The following BLTP1 variants were observed in gnomAD, a reference collection of about 807,000 sequenced individuals.
BLTP1 encodes fragile site-associated protein.
chr4:122,276,957 A>C, the BLTP1 span: 38 of 984,478 alleles, frequency 3.9e-5, no homozygotes, highest in Non-Finnish European at 4.5e-5. Context: ...ATAATTGGCA[A>C]ATTTTCTGCA....
At chr4:122,334,306 A>C in the BLTP1 span, 1 of 1,440,570 alleles carries the variant, frequency 6.9e-7, no homozygotes, top group South Asian at 1.2e-5. Flanking sequence ...CCTCATCTTC[A>C]TAATTTTAAT....
the BLTP1 span, chr4:122,299,887 T>C: frequency 3.0e-6 from 3 of 985,008 alleles, no homozygotes; most frequent in Non-Finnish European, 3.6e-6. Context: ...CTGTATGCTG[T>C]ATATTTTAGA....
chr4:122,237,548 G>A, the BLTP1 span: 2 of 428,026 alleles, frequency 4.7e-6, no homozygotes, highest in Non-Finnish European at 6.2e-6. Context: ...AGATATATGG[G>A]GTTCTTTGTA....
At chr4:122,348,986 T>C in the BLTP1 span, 1 of 597,158 alleles carries the variant, frequency 1.7e-6, no homozygotes, top group Non-Finnish European at 2.7e-6. Flanking sequence ...AAAGCTTCAT[T>C]ATCAATGTTA....
chr4:122,169,833 A>C, the BLTP1 span: 5 of 985,258 alleles, frequency 5.1e-6, no homozygotes, highest in Non-Finnish European at 6.0e-6. Flanking sequence ...ACCTAGAGTG[A>C]ATCTGAACTA....
chr4:122,184,800 ACT>A, the BLTP1 span: 22 of 985,214 alleles, frequency 2.2e-5, no homozygotes, highest in Middle Eastern at 5.2e-4. Flanking sequence ...CCCATTTCAT[ACT>A]CTCTCAGAAT....
chr4:122,286,226 G>A, the BLTP1 span: 1 of 167,054 alleles, frequency 6.0e-6, no homozygotes, highest in Admixed American at 6.5e-5. Context: ...CAATGCTTCT[G>A]TAATAAGGGC....
the BLTP1 span, among the ~76,000 whole-genome samples, chr4:122,156,620 A>G: frequency 4.6e-5 from 7 of 152,238 alleles, no homozygotes; most frequent in Non-Finnish European, 8.8e-5. Flanking sequence ...GTCATTTACT[A>G]TTTCAGAAAG....
At chr4:122,226,984 C>A in the BLTP1 span, 5 of 630,466 alleles carry the variant, frequency 7.9e-6, no homozygotes, top group South Asian at 4.9e-5. Flanking sequence ...AAATTCTTAC[C>A]CATTTTAGTT....
the BLTP1 span, among the ~76,000 whole-genome samples, chr4:122,355,582 TATATGTATATATAC>T: frequency 1.4e-5 from 2 of 147,522 alleles, no homozygotes; most frequent in African/African-American, 2.5e-5. Context: ...TATATATAAA[TATATGTATATATAC>T]ATATGTATAT....
the BLTP1 span, chr4:122,269,779 A>G: frequency 1.6e-6 from 1 of 611,902 alleles, no homozygotes; most frequent in African/African-American, 2.0e-5. Flanking sequence ...GCATGTAGTA[A>G]GTCCTCATAC....
the BLTP1 span, chr4:122,221,674 T>TA: frequency 0.049 from 16,533 of 337,614 alleles, no homozygotes; most frequent in Non-Finnish European, 0.062. Flanking sequence ...ATATTAACCT[T>TA]AAAAAAAAAA....
the BLTP1 span, among the ~76,000 whole-genome samples, chr4:122,300,463 G>A: frequency 1.3e-5 from 2 of 151,940 alleles, no homozygotes; most frequent in African/African-American, 4.8e-5. Flanking sequence ...GCCAAGTTAT[G>A]TCCTTGTCTC....
the BLTP1 span, chr4:122,175,050 T>A: frequency 1.1e-6 from 1 of 945,394 alleles, no homozygotes; most frequent in Non-Finnish European, 1.3e-6. Context: ...TGTTAGAAAC[T>A]CTTAATTTTA....
the BLTP1 span, among the ~76,000 whole-genome samples, chr4:122,184,282 A>T: frequency 6.6e-6 from 1 of 152,214 alleles, no homozygotes. Flanking sequence ...TGTAAGTAAG[A>T]TATCTTCACT....
chr4:122,207,682 T>G, the BLTP1 span: 1 of 1,428,274 alleles, frequency 7.0e-7, no homozygotes, highest in Non-Finnish European at 9.8e-7. Context: ...GGTGTATTAG[T>G]AAATTTGATT....
the BLTP1 span, among the ~76,000 whole-genome samples, chr4:122,222,211 C>G: frequency 6.6e-6 from 1 of 152,230 alleles, no homozygotes; most frequent in East Asian, 1.9e-4. Context: ...ACGACTATTC[C>G]TAAGAATTTT....
the BLTP1 span, chr4:122,245,246 G>C: frequency 1.0e-6 from 1 of 997,604 alleles, no homozygotes; most frequent in Non-Finnish European, 1.5e-6. Flanking sequence ...AGAATATTTG[G>C]ACATGTTCTA....
At chr4:122,228,620 A>G in the BLTP1 span, among the ~76,000 whole-genome samples, 3 of 152,228 alleles carry the variant, frequency 2.0e-5, no homozygotes, top group Non-Finnish European at 4.4e-5. Context: ...GGTGATATAT[A>G]CATTTTCTTC....
Sources: gnomAD v4.1 joint callset for allele counts (sites outside exome capture counted in the v4.1 genomes callset) on GRCh38, gnomAD v4.1.1 for gene constraint, MANE v1.5 for transcripts, NCBI Gene and HGNC (gene_info 2026-07-23, HGNC 2026-07-21) for gene names.